LAMA2: variants seen among roughly 807,000 people sequenced by gnomAD.
LAMA2 encodes laminin subunit alpha-2.
LAMA2 carries 269 observed loss-of-function variants against 364.8 expected under a neutral mutation model. The observed-to-expected ratio is 0.74, with a 90% CI of 0.67 to 0.82. LAMA2 has a LOEUF of 0.82. Ranked by LOEUF, LAMA2 falls within the 40% of genes least tolerant of loss-of-function variation. The pLI is 0.00. For missense variants in LAMA2, 3,807 were observed against 3,873.2 expected (o/e 0.98, Z 0.45); for synonymous variants, 1,379 against 1,370.6 (o/e 1.01, Z -0.14).
At chr6:128,907,838 G>C (rs1345654381) in intron 1 of LAMA2, among the ~76,000 whole-genome samples, 1 of 152,128 alleles carries the variant, frequency 6.6e-6, no homozygotes, top group Non-Finnish European at 1.5e-5. Flanking sequence ...AGAGTTTTTA[G>C]CATGAAGTGT....
intron 4 of LAMA2, among the ~76,000 whole-genome samples, chr6:129,135,627 T>G (rs1433260000): frequency 2.0e-5 from 3 of 152,218 alleles, no homozygotes; most frequent in African/African-American, 7.2e-5. Flanking sequence ...TTATGATATC[T>G]CTGGTTGGGG....
Position 129,490,131 on chromosome 6 carries a change from A to G in LAMA2, c.7899-1770A>G, listed in dbSNP as rs181916293. Among the ~76,000 whole-genome samples, 240 of 152,356 alleles carry G rather than the reference A, an allele frequency of 1.6e-3. 2 individuals carry two copies. Among genetic ancestry groups the G allele is most frequent in the Middle Eastern group, 0.014 (4 of 294 alleles). On this transcript the variant is annotated intron_variant, in intron 56 of 64. Transcript: ENST00000421865. ...GAAATGATCTAGATTTGATGTTCCT[A>G]AAAGGTAAAATAGGAGCAGGATTTA...
At position 129,170,150 on chromosome 6, in the gene LAMA2, G is replaced by A. The variant is rs1198864691; in HGVS notation, c.1306+4475G>A. 1.5e-4 allele frequency among the ~76,000 whole-genome samples: 23 copies of A among 150,034 alleles called. No individual in the cohort carries two copies. The South Asian group carries it at 2.5e-3, about 16-fold the overall frequency. On this transcript the variant is annotated intron_variant, in intron 9 of 64. Coordinates refer to ENST00000421865, the MANE Select transcript of LAMA2 (RefSeq NM_000426.4). ...ATTAATTTTTTGAAGGGTTTTTTGTGTCTCTATTTCCTTCAGTTCTGCTCT... is the reference window on the plus strand; with the variant it reads ...ATTAATTTTTTGAAGGGTTTTTTGTATCTCTATTTCCTTCAGTTCTGCTCT...
At chr6:129,388,511 TTTTC>T (rs2114666193) in intron 35 of LAMA2, among the ~76,000 whole-genome samples, 1 of 152,286 alleles carries the variant, frequency 6.6e-6, no homozygotes, top group Admixed American at 6.5e-5. Flanking sequence ...TTGTCATTCT[TTTTC>T]CACCAGATTC....
chr6:129,257,881 C>A (rs568580426), intron 14 of LAMA2, among the ~76,000 whole-genome samples: 1 of 152,100 alleles, frequency 6.6e-6, no homozygotes, highest in East Asian at 1.9e-4. Flanking sequence ...TGAAATGTGG[C>A]TAGTAGTCTT....
At chr6:129,139,905 T>G (rs1361823329) in intron 4 of LAMA2, among the ~76,000 whole-genome samples, 1 of 151,208 alleles carries the variant, frequency 6.6e-6, no homozygotes, top group Admixed American at 6.6e-5. Context: ...AATACAAAAA[T>G]GTTTTAGGAG....
chr6:129,207,462 C>G (rs1423364292), intron 12 of LAMA2, among the ~76,000 whole-genome samples: 1 of 152,034 alleles, frequency 6.6e-6, no homozygotes, highest in Non-Finnish European at 1.5e-5. Flanking sequence ...TAATTTCATC[C>G]TATTACATTT....
chr6:128,921,962 G>T lies in LAMA2; in HGVS notation c.112+38605G>T, dbSNP rs1343501101. ...TATGAGTGAGAATATGCGGTGTTTG[G>T]TTTTTTGTCCTTGTGATAGTTTACT... On this transcript the variant is annotated intron_variant, in intron 1 of 64. Coordinates refer to ENST00000421865, the MANE Select transcript of LAMA2 (RefSeq NM_000426.4). 6.0e-5 allele frequency among the ~76,000 whole-genome samples: 9 copies of T among 149,378 alleles called. No individual in the cohort carries two copies. In the East Asian group the frequency reaches 1.6e-3, roughly 26 times the overall value.
chr6:129,425,617 T>C (rs1781290606), intron 40 of LAMA2, among the ~76,000 whole-genome samples: 1 of 152,074 alleles, frequency 6.6e-6, no homozygotes, highest in Admixed American at 6.6e-5. Context: ...TCGGTGTATG[T>C]TGTTCTCCCC....
chr6:129,213,980 T>G (rs1198375790), intron 12 of LAMA2, among the ~76,000 whole-genome samples: 1 of 152,224 alleles, frequency 6.6e-6, no homozygotes, highest in African/African-American at 2.4e-5. Context: ...AGTCATAGTT[T>G]TGCATTTTAT....
intron 43 of LAMA2, 174 bp from the exon 44 acceptor site, chr6:129,442,889 T>G: frequency 1.7e-6 from 1 of 578,778 alleles, no homozygotes; most frequent in Non-Finnish European, 3.0e-6. Flanking sequence ...AATTATATAT[T>G]TTGTGTACTT....
intron 12 of LAMA2, among the ~76,000 whole-genome samples, chr6:129,244,012 C>G (rs1166988825): frequency 6.6e-6 from 1 of 151,832 alleles, no homozygotes; most frequent in South Asian, 2.1e-4. Flanking sequence ...ATGTTTTCCT[C>G]GAGGTTTTTT....
chr6:129,284,400 A>G (rs1027651494), intron 18 of LAMA2, among the ~76,000 whole-genome samples: 26 of 151,964 alleles, frequency 1.7e-4, no homozygotes, highest in African/African-American at 6.3e-4. Flanking sequence ...CCATAATAGC[A>G]TTTGCATATC....
At chr6:129,179,674 A>C (rs1292758952) in intron 10 of LAMA2, among the ~76,000 whole-genome samples, 2 of 152,174 alleles carry the variant, frequency 1.3e-5, no homozygotes, top group Non-Finnish European at 2.9e-5. Context: ...TTAAGAAATC[A>C]TAAAAGAGAA....
At chr6:129,020,637 C>T (rs1038712002) in intron 1 of LAMA2, among the ~76,000 whole-genome samples, 2 of 152,100 alleles carry the variant, frequency 1.3e-5, no homozygotes, top group Admixed American at 1.3e-4. Context: ...GAAAAGGTGT[C>T]CCAGGCGTGG....
intron 1 of LAMA2, among the ~76,000 whole-genome samples, chr6:128,951,817 A>G (rs1405960807): frequency 6.6e-6 from 1 of 152,062 alleles, no homozygotes; most frequent in African/African-American, 2.4e-5. Context: ...CTTTTTATTT[A>G]TTTATTTTTA....
At chr6:129,051,202 A>G (rs113313708) in intron 2 of LAMA2, among the ~76,000 whole-genome samples, 20 of 148,244 alleles carry the variant, frequency 1.3e-4, no homozygotes, top group African/African-American at 4.9e-4. Flanking sequence ...TAATATATAT[A>G]TAAAATATAT....
intron 51 of LAMA2, among the ~76,000 whole-genome samples, chr6:129,469,194 T>C (rs553326498): frequency 1.3e-5 from 2 of 152,052 alleles, no homozygotes; most frequent in East Asian, 3.9e-4. Context: ...GAACTTGATT[T>C]TAAGTAGAGA....
chr6:129,159,837 T>G (rs1490538174), intron 8 of LAMA2, among the ~76,000 whole-genome samples: 1 of 152,224 alleles, frequency 6.6e-6, no homozygotes, highest in Non-Finnish European at 1.5e-5. Flanking sequence ...GTCATATGCT[T>G]TTCGAAACCT....
Sources: allele counts gnomAD v4.1 joint callset (sites outside exome capture counted in the v4.1 genomes callset), GRCh38; gene constraint gnomAD v4.1.1; transcripts MANE v1.5; gene names NCBI Gene and HGNC (gene_info 2026-07-23, HGNC 2026-07-21).